MTUS1: variants seen among roughly 807,000 people sequenced by gnomAD.
MTUS1 encodes microtubule-associated tumor suppressor 1.
In MTUS1, 109 loss-of-function variants were observed where a neutral mutation model predicts 120.8. The ratio of observed to expected loss-of-function variants is 0.90; its 90% CI spans 0.77 to 1.06. The LOEUF is 1.06. Ranked by LOEUF, MTUS1 falls within the 50% of genes least tolerant of loss-of-function variation. The pLI, the probability that MTUS1 is intolerant of heterozygous loss-of-function variation, is 0.00. For missense variants in MTUS1, 2,210 were observed against 1,486.3 expected, an observed-to-expected ratio of 1.49 and a Z score of -8.01; for synonymous variants, 737 against 550.5, an observed-to-expected ratio of 1.34 and a Z score of -4.74.
rs759632110 is a variant in MTUS1, at chr8:17,754,680, G to A, written c.1128C>T (p.Asp376=). 1 of 1,614,208 alleles carries A rather than the reference G, an allele frequency of 6.2e-7. No individual in the cohort carries two copies. Among genetic ancestry groups the A allele is most frequent in the Non-Finnish European group, 8.5e-7 (1 of 1,180,030 alleles). ...CCTTTCCTTTGGAGACCATTTGTGT[G>A]TCTTCAGTCTCAGTGACTTTATGCT... ...NPEHKVTETE[D]TQMVSKGKDL... is the part of the protein sequence containing the mutation. Residue 376 remains aspartate (D), a synonymous_variant, in exon 2 of 15, where the codon GAC becomes GAT. Transcript: ENST00000693296.
chr8:17,675,004 C>A (rs1345564446), intron 8 of MTUS1, 182 bp downstream of exon 8: 8 of 1,407,846 alleles, frequency 5.7e-6, no homozygotes, highest in Non-Finnish European at 6.5e-6. Flanking sequence ...ATTCTGTGAA[C>A]TGAAGGTCAA....
At chr8:17,767,428 G>A (rs1396454213) in intron 1 of MTUS1, among the ~76,000 whole-genome samples, 1 of 151,782 alleles carries the variant, frequency 6.6e-6, no homozygotes, top group Non-Finnish European at 1.5e-5. Flanking sequence ...TGGGTACAGT[G>A]GCTCATAGCT....
chr8:17,649,949 A>C lies in MTUS1; in HGVS notation c.3398T>G (p.Ile1133Ser), dbSNP rs1263684100. 1.9e-6 allele frequency: 3 copies of C among 1,597,074 alleles called. No individual in the cohort carries two copies. The highest frequency in any genetic ancestry group is 2.7e-5 in the African/African-American group (2 of 74,504). ...REKANLKNPQIMYLEQELESL... is the reference protein window; with the variant it reads ...REKANLKNPQSMYLEQELESL... ...TTCTAACTCCTGTTCTAGATACATG[A>C]TCTGAGGATTTTTCTGGAAAGGACA... Residue 1133 changes from isoleucine to serine, a missense_variant, in exon 13 of 15, where the codon ATC (isoleucine) becomes AGC (serine). Transcript: ENST00000693296.
Position 17,768,323 on chromosome 8 carries a change from C to A in MTUS1, c.-154-12362G>T, listed in dbSNP as rs565186459. 3.9e-5 allele frequency among the ~76,000 whole-genome samples: 6 copies of A among 152,190 alleles called. No homozygotes were observed. In the South Asian group the frequency reaches 1.2e-3, roughly 32 times the overall value. ...TCCAGGGTCTTGAAGGTCTTTTACT[C>A]AATCCAAAATAAATAAAAGAGAGGT... On this transcript the variant is annotated intron_variant, in intron 1 of 14. Transcript: ENST00000693296.
intron 6 of MTUS1, among the ~76,000 whole-genome samples, chr8:17,710,035 T>C (rs570313165): frequency 3.3e-4 from 50 of 151,854 alleles, no homozygotes; most frequent in African/African-American, 1.2e-3. Context: ...AATTTAAAAA[T>C]ATTTCATTGC....
intron 3 of MTUS1, among the ~76,000 whole-genome samples, chr8:17,733,781 C>A (rs1345194504): frequency 6.6e-6 from 1 of 152,196 alleles, no homozygotes; most frequent in Non-Finnish European, 1.5e-5. Context: ...TCAATCTCTA[C>A]ATTCTATATT....
intron 6 of MTUS1, among the ~76,000 whole-genome samples, chr8:17,689,665 C>A (rs1816564964): frequency 6.6e-6 from 1 of 152,150 alleles, no homozygotes; most frequent in East Asian, 1.9e-4. Context: ...ACCAAAAAAG[C>A]ATGGCACTGG....
At chr8:17,761,028 G>C (rs552304828) in intron 1 of MTUS1, among the ~76,000 whole-genome samples, 1 of 152,106 alleles carries the variant, frequency 6.6e-6, no homozygotes, top group East Asian at 1.9e-4. Context: ...ATCTTTTTCA[G>C]AGAACATTTT....
intron 4 of MTUS1, among the ~76,000 whole-genome samples, chr8:17,721,059 GT>G (rs1675364069): frequency 6.6e-6 from 1 of 152,154 alleles, no homozygotes. Flanking sequence ...CAACAGCACT[GT>G]GTTATATCAG....
intron 3 of MTUS1, among the ~76,000 whole-genome samples, chr8:17,726,571 C>G (rs2046243501): frequency 6.6e-6 from 1 of 152,180 alleles, no homozygotes; most frequent in South Asian, 2.1e-4. Flanking sequence ...CTCCCATCAT[C>G]TATACTGAAG....
At chr8:17,697,549 G>T in intron 6 of MTUS1, 1 of 1,380,256 alleles carries the variant, frequency 7.2e-7, no homozygotes, top group Non-Finnish European at 9.4e-7. Context: ...AATCCCCCAG[G>T]GCTGGCCAAG....
chr8:17,768,741 A>C (rs1232108220), intron 1 of MTUS1, among the ~76,000 whole-genome samples: 4 of 152,112 alleles, frequency 2.6e-5, no homozygotes, highest in Non-Finnish European at 2.9e-5. Context: ...AAAAACAAAA[A>C]ACCATTACAA....
chr8:17,666,283 A>T (rs945103210), intron 8 of MTUS1, among the ~76,000 whole-genome samples: 4 of 91,106 alleles, frequency 4.4e-5, no homozygotes, highest in Non-Finnish European at 6.1e-5. Context: ...TTTCAATGTA[A>T]AAAAAAAAAA....
chr8:17,711,288 C>G lies in MTUS1; in HGVS notation c.2623+1926G>C, dbSNP rs930226238. 2.6e-5 allele frequency among the ~76,000 whole-genome samples: 4 copies of G among 152,222 alleles called. No homozygotes were observed. In the East Asian group the frequency reaches 7.7e-4, roughly 29 times the overall value. On this transcript the variant is annotated intron_variant, in intron 6 of 14. Transcript: ENST00000693296. Reference sequence around the variant, plus strand: ...TCAATATGAGGCTGTTTCACCTACACTGAATGTCTGTTGTTTTGTGTAGCC... The same window carrying G: ...TCAATATGAGGCTGTTTCACCTACAGTGAATGTCTGTTGTTTTGTGTAGCC...
chr8:17,682,879 C>T (rs1814874315), intron 7 of MTUS1, among the ~76,000 whole-genome samples: 1 of 151,832 alleles, frequency 6.6e-6, no homozygotes. Context: ...TATACTATTA[C>T]CGTTACTAAA....
At chr8:17,656,089 G>A in intron 8 of MTUS1, 24 bp from the exon 9 acceptor site, 3 of 1,606,778 alleles carry the variant, frequency 1.9e-6, no homozygotes, top group Non-Finnish European at 2.6e-6. Flanking sequence ...AGAAAGAAGA[G>A]GGAAGAGGTC....
intron 1 of MTUS1, among the ~76,000 whole-genome samples, chr8:17,795,981 ACT>A (rs1163376719): frequency 6.7e-6 from 1 of 150,276 alleles, no homozygotes; most frequent in African/African-American, 2.5e-5. Flanking sequence ...ACAAAGTCTC[ACT>A]CTGTTGGCCA....
rs114802075 is a variant in MTUS1 at position 17,688,310 on chromosome 8, A to C, written c.2624-3768T>G. Among the ~76,000 whole-genome samples the C allele has an allele frequency of 1.6e-3, 250 of 152,270 alleles. 3 individuals are homozygous for C. Among genetic ancestry groups the C allele is most frequent in the African/African-American group, 5.5e-3 (228 of 41,554 alleles). The stretch of plus-strand genomic sequence containing the variant: ...TGCGGGGACAGGAGAAGTATCACAT[A>C]AGAGGGTGGTATTGCTCAGAGAGGC... On this transcript the variant is annotated intron_variant, in intron 6 of 14. Transcript: ENST00000693296.
intron 12 of MTUS1, among the ~76,000 whole-genome samples, chr8:17,651,436 A>G (rs1321186106): frequency 6.6e-6 from 1 of 152,164 alleles, no homozygotes; most frequent in Non-Finnish European, 1.5e-5. Context: ...GATTGTCTCA[A>G]CACATCACAC....
Sources: allele counts gnomAD v4.1 joint callset (sites outside exome capture counted in the v4.1 genomes callset), GRCh38; gene constraint gnomAD v4.1.1; transcripts MANE v1.5; gene names NCBI Gene and HGNC (gene_info 2026-07-23, HGNC 2026-07-21).